Variants in PIP4K2B observed in about 807,000 individuals in gnomAD.
PIP4K2B encodes the protein phosphatidylinositol-5-phosphate 4-kinase type 2 beta, also known as phosphatidylinositol 5-phosphate 4-kinase type-2 beta.
Under a neutral mutation model 42.0 loss-of-function variants are expected in PIP4K2B, and 3 were observed. The observed-to-expected ratio is 0.07, with a 90% confidence interval of 0.03 to 0.18. The LOEUF (loss-of-function observed/expected upper bound fraction) is 0.18, where lower values mean the gene tolerates loss of function less well. Among genes scored for constraint, PIP4K2B ranks in the 10% least tolerant of loss-of-function variants. The pLI, the probability that PIP4K2B is intolerant of heterozygous loss-of-function variation, is 1.00. For synonymous variants in PIP4K2B, 204 were observed against 210.1 expected (o/e 0.97, Z 0.25); for missense variants, 332 against 562.3 (o/e 0.59, Z 4.14).
At chr17:38,798,659 A>G (rs2143511624) in intron 1 of PIP4K2B, among the ~76,000 whole-genome samples, 1 of 152,306 alleles carries the variant, frequency 6.6e-6, no homozygotes, top group East Asian at 1.9e-4. Flanking sequence ...TCCCTAACCC[A>G]GAGAGACCCA....
chr17:38,780,746 C>T lies in PIP4K2B; in HGVS notation c.355-142G>A, dbSNP rs568234541. On this transcript the variant is annotated intron_variant, in intron 3 of 9. Coordinates refer to ENST00000619039, the MANE Select transcript of PIP4K2B (RefSeq NM_003559.5). ...CTCCCAGATGGGAGTTTACCCTCCC[C>T]TTTTCTCACAGGGTGTTCACATCCC... 25 of 710,818 alleles carry T rather than the reference C, an allele frequency of 3.5e-5. No homozygotes were observed. In the East Asian group the frequency reaches 7.0e-4, roughly 20 times the overall value. The allele number at this position is 710,818 out of a possible 1,614,324, so 44.0% of individuals were successfully genotyped here.
intron 2 of PIP4K2B, among the ~76,000 whole-genome samples, chr17:38,785,256 C>G (rs984293960): frequency 7.2e-5 from 11 of 152,168 alleles, no homozygotes; most frequent in Non-Finnish European, 1.0e-4. Flanking sequence ...GAAATATGTC[C>G]CAGTGACTAC....
chr17:38,787,014 G>T, intron 1 of PIP4K2B, 94 bp from the exon 2 acceptor site: 2 of 830,160 alleles, frequency 2.4e-6, no homozygotes, highest in Non-Finnish European at 4.2e-6. Context: ...CTTGCTAAAA[G>T]CATGTCCAAG....
At position 38,769,799 on chromosome 17, in the gene PIP4K2B, T is replaced by C. The variant is rs373967213; in HGVS notation, c.1171-28A>G. 1.5e-4 allele frequency: 237 copies of C among 1,612,586 alleles called. No individual in the cohort carries two copies. In the African/African-American group the frequency reaches 1.8e-3, roughly 12 times the overall value. ...GTAATACACAAGAGGCTGATTCAGGTTGAGTTCCTGTGCCCCAATCAGGAG... is the reference window on the plus strand; with the variant it reads ...GTAATACACAAGAGGCTGATTCAGGCTGAGTTCCTGTGCCCCAATCAGGAG... On this transcript the variant is annotated intron_variant, in intron 9 of 9. Coordinates refer to ENST00000619039, the MANE Select transcript of PIP4K2B (RefSeq NM_003559.5).
chr17:38,770,387 C>T, intron 9 of PIP4K2B, 49 bp downstream of exon 9: 1 of 1,148,130 alleles, frequency 8.7e-7, no homozygotes, highest in Non-Finnish European at 1.3e-6. Flanking sequence ...AGGGTAAGCA[C>T]AGATGCACCG....
chr17:38,778,829 G>A lies in PIP4K2B; in HGVS notation c.655-457C>T, dbSNP rs537540818. Among the ~76,000 whole-genome samples the A allele has an allele frequency of 1.1e-4, 16 of 152,322 alleles. No homozygotes were observed. The South Asian group carries it at 3.1e-3, about 30-fold the overall frequency. On this transcript the variant is annotated intron_variant, in intron 5 of 9. Coordinates refer to ENST00000619039, the MANE Select transcript of PIP4K2B (RefSeq NM_003559.5). ...AGAAGGGTAAGGAGGAAGCAATTAG[G>A]TGGGGGAAGGAGTGGGTGGAGAGAG...
intron 1 of PIP4K2B, among the ~76,000 whole-genome samples, chr17:38,787,360 T>G (rs1910087733): frequency 6.6e-6 from 1 of 152,158 alleles, no homozygotes; most frequent in South Asian, 2.1e-4. Flanking sequence ...GTTCCCAACC[T>G]TGTCCTATTT....
At chr17:38,792,059 G>A (rs967441198) in intron 1 of PIP4K2B, among the ~76,000 whole-genome samples, 7 of 151,702 alleles carry the variant, frequency 4.6e-5, no homozygotes, top group Non-Finnish European at 1.0e-4. Context: ...TCATGCCACT[G>A]TGCTCCAGCC....
At chr17:38,794,405 C>T (rs992631446) in intron 1 of PIP4K2B, among the ~76,000 whole-genome samples, 1 of 151,308 alleles carries the variant, frequency 6.6e-6, no homozygotes, top group African/African-American at 2.4e-5. Context: ...CACTATGACA[C>T]TGTTCCCATG....
chr17:38,781,091 C>G (rs897040615), intron 3 of PIP4K2B, among the ~76,000 whole-genome samples: 1 of 152,156 alleles, frequency 6.6e-6, no homozygotes, highest in African/African-American at 2.4e-5. Context: ...TTCAAGGGGT[C>G]TAGCACAAAG....
At chr17:38,772,459 G>T (rs1051508243) in intron 7 of PIP4K2B, among the ~76,000 whole-genome samples, 1 of 152,120 alleles carries the variant, frequency 6.6e-6, no homozygotes, top group African/African-American at 2.4e-5. Flanking sequence ...AGCTGTCTTG[G>T]TTATCAGTTC....
chr17:38,796,132 C>T, intron 1 of PIP4K2B, among the ~76,000 whole-genome samples: 1 of 152,022 alleles, frequency 6.6e-6, no homozygotes. Flanking sequence ...AGTGAGACTC[C>T]ATCACAAAAA....
chr17:38,788,124 A>T (rs1030434822), intron 1 of PIP4K2B, among the ~76,000 whole-genome samples: 3 of 152,316 alleles, frequency 2.0e-5, no homozygotes, highest in South Asian at 4.1e-4. Context: ...GAAGAAAAAA[A>T]GCTGGATGGG....
intron 6 of PIP4K2B, 83 bp from the exon 7 acceptor site, chr17:38,777,883 T>A: frequency 1.0e-6 from 1 of 963,218 alleles, no homozygotes; most frequent in Non-Finnish European, 1.7e-6. Context: ...GGAGCAACTA[T>A]ACAGAAAGGG....
chr17:38,781,690 T>C (rs1219691954), intron 3 of PIP4K2B, among the ~76,000 whole-genome samples: 3 of 151,830 alleles, frequency 2.0e-5, no homozygotes, highest in Non-Finnish European at 4.4e-5. Context: ...CTTATTTTTG[T>C]AGCTTTTGTA....
At position 38,779,743 on chromosome 17, in the gene PIP4K2B, G is replaced by C. The variant is rs1002492728; in HGVS notation, c.508-214C>G. The C allele has an allele frequency of 8.0e-4, 420 of 527,088 alleles. 2 individuals carry two copies. Among genetic ancestry groups the C allele is most frequent in the Non-Finnish European group, 1.1e-3 (332 of 293,592 alleles). The allele number at this position is 527,088 out of a possible 1,614,324, so 32.7% of individuals were successfully genotyped here. The stretch of plus-strand genomic sequence containing the variant: ...CTCCTGTTGGCATGGCAGAGGGAGA[G>C]GCAAGCTGAGCAGGTGGCTCAGAGC... On this transcript the variant is annotated intron_variant, in intron 4 of 9. Transcript: ENST00000619039.
At chr17:38,783,476 T>C (rs992837003) in intron 3 of PIP4K2B, among the ~76,000 whole-genome samples, 1 of 152,188 alleles carries the variant, frequency 6.6e-6, no homozygotes, top group African/African-American at 2.4e-5. Flanking sequence ...ACCACCAGGA[T>C]AGGGCACAAG....
chr17:38,770,473 T>G lies in PIP4K2B; in HGVS notation c.1133A>C (p.Lys378Thr). Residue 378 changes from lysine to threonine, a missense_variant, in exon 9 of 10, where the codon AAG becomes ACG. Transcript: ENST00000619039. ...CGTTTTGGCAGCATGTGCAGCTTTC[T>G]TCTTTGTATCGTATGGCGTGAGGAT... ...IDILTPYDTK[K>T]KAAHAAKTVK... 1 of 1,612,884 alleles carries G rather than the reference T, an allele frequency of 6.2e-7. No individual in the cohort carries two copies. Among genetic ancestry groups the G allele is most frequent in the Non-Finnish European group, 8.5e-7 (1 of 1,178,998 alleles).
chr17:38,775,393 A>G (rs1035112040), intron 7 of PIP4K2B, among the ~76,000 whole-genome samples: 18 of 152,180 alleles, frequency 1.2e-4, no homozygotes, highest in African/African-American at 4.3e-4. Context: ...CTAGGACTAC[A>G]GGCACATGTC....
Sources: allele counts gnomAD v4.1 joint callset (sites outside exome capture counted in the v4.1 genomes callset), GRCh38; gene constraint gnomAD v4.1.1; transcripts MANE v1.5; gene names NCBI Gene and HGNC (gene_info 2026-07-23, HGNC 2026-07-21).